Variants in MBOAT2 observed in about 807,000 individuals in gnomAD.
MBOAT2 encodes the protein membrane-bound glycerophospholipid O-acyltransferase 2.
In MBOAT2, 28 loss-of-function variants were observed where a neutral mutation model predicts 63.4. The ratio of observed to expected loss-of-function variants is 0.44; its 90% CI spans 0.33 to 0.61. The LOEUF (loss-of-function observed/expected upper bound fraction) is 0.61, where lower values mean the gene tolerates loss of function less well. MBOAT2 is among the 20% of genes least tolerant of loss of function. The pLI is 0.03. For missense variants in MBOAT2, 470 were observed against 605.8 expected (o/e 0.78, Z 2.35); for synonymous variants, 211 against 215.6 (o/e 0.98, Z 0.19).
chr2:8,888,052 C>T lies in MBOAT2; in HGVS notation c.417G>A (p.Gln139=), dbSNP rs1327884554. Residue 139 remains glutamine, a synonymous_variant, in exon 5 of 13, where the codon CAG becomes CAA. Transcript: ENST00000305997. The part of the protein sequence containing the change: ...DFSGPMMIIT[Q]KITSLACEIH... ...TTTCGCAAGCCAAACTAGTGATCTT[C>T]TGAGTAATGATCATCATTGGGCTGT... The T allele has an allele frequency of 6.2e-7, 1 of 1,613,378 alleles. No homozygotes were observed. Among genetic ancestry groups the T allele is most frequent in the Admixed American group, 1.7e-5 (1 of 59,980 alleles).
At chr2:8,866,905 T>C (rs1014124445) in intron 9 of MBOAT2, among the ~76,000 whole-genome samples, 2 of 152,244 alleles carry the variant, frequency 1.3e-5, no homozygotes, top group African/African-American at 4.8e-5. Context: ...TCTTATGGCA[T>C]CCCGTCTCGG....
intron 3 of MBOAT2, among the ~76,000 whole-genome samples, chr2:8,942,505 A>C (rs1368008093): frequency 6.6e-6 from 1 of 152,174 alleles, no homozygotes; most frequent in Non-Finnish European, 1.5e-5. Flanking sequence ...ATCTCCTCTT[A>C]TATGTCTTAC....
Position 8,943,189 on chromosome 2 carries a change from G to C in MBOAT2, c.297C>G (p.His99Gln). Residue 99 changes from histidine (H) to glutamine (Q), a missense_variant and splice_region_variant, in exon 3 of 13, where the codon CAC becomes CAG. His to Gln is a conservative substitution (Grantham distance 24). Transcript: ENST00000305997. The part of the protein sequence containing the change: ...IMIIIGVENM[H>Q]NYCFVFALGY... ...ATGTGAACAAAGTGAATACTTACTTGTGCATGTTCTCCACTCCTATGATGA... is the reference window on the plus strand; with the variant it reads ...ATGTGAACAAAGTGAATACTTACTTCTGCATGTTCTCCACTCCTATGATGA... 6.5e-7 allele frequency: 1 copy of C among 1,535,058 alleles called. No homozygotes were observed. Among genetic ancestry groups the C allele is most frequent in the Non-Finnish European group, 8.8e-7 (1 of 1,130,022 alleles).
chr2:8,959,054 C>G (rs908518549), intron 1 of MBOAT2, among the ~76,000 whole-genome samples: 17 of 152,186 alleles, frequency 1.1e-4, no homozygotes, highest in Non-Finnish European at 2.5e-4. Flanking sequence ...CGCAAAAGCT[C>G]TGGGAGGGGT....
intron 10 of MBOAT2, 68 bp downstream of exon 10, chr2:8,864,102 T>C: frequency 1.8e-6 from 2 of 1,082,988 alleles, no homozygotes; most frequent in Non-Finnish European, 2.7e-6. Context: ...GAACCTGAAC[T>C]CAATGAAGCT....
intron 1 of MBOAT2, among the ~76,000 whole-genome samples, chr2:8,968,740 T>C (rs1241453431): frequency 1.8e-4 from 28 of 152,140 alleles, no homozygotes; most frequent in Admixed American, 1.8e-3. Context: ...ATGCACAAGC[T>C]TCAGTAGCCA....
Position 8,859,557 on chromosome 2 carries a change from A to G in MBOAT2, c.1338-653T>C, listed in dbSNP as rs563008945. On this transcript the variant is annotated intron_variant, in intron 12 of 12. Transcript: ENST00000305997. ...CCACAGCCCAATCACATTTTTAAAC[A>G]TGTACTAATTTTGTTAAAATGGAAA... 2.6e-5 allele frequency among the ~76,000 whole-genome samples: 4 copies of G among 152,338 alleles called. No homozygotes were observed. The East Asian group carries it at 7.7e-4, about 29-fold the overall frequency.
intron 1 of MBOAT2, 86 bp from the exon 2 acceptor site, chr2:8,958,728 C>T: frequency 7.7e-7 from 1 of 1,303,520 alleles, no homozygotes; most frequent in Non-Finnish European, 1.0e-6. Flanking sequence ...AGGACAAAAA[C>T]ACCAAGGTTA....
At chr2:8,954,184 A>C in intron 2 of MBOAT2, among the ~76,000 whole-genome samples, 1 of 151,742 alleles carries the variant, frequency 6.6e-6, no homozygotes, top group Non-Finnish European at 1.5e-5. Context: ...CTTTGCTTCT[A>C]TAGCCCTATA....
chr2:8,910,170 CAG>C (rs142090695), intron 3 of MBOAT2, among the ~76,000 whole-genome samples: 3 of 151,858 alleles, frequency 2.0e-5, no homozygotes, highest in Non-Finnish European at 2.9e-5. Flanking sequence ...CAGAGAAAGA[CAG>C]AGAGAGAGAA....
intron 4 of MBOAT2, among the ~76,000 whole-genome samples, chr2:8,900,824 A>G (rs1177063616): frequency 8.5e-5 from 13 of 152,134 alleles, no homozygotes; most frequent in African/African-American, 3.1e-4. Flanking sequence ...AAGCTTCAGG[A>G]TAGTATTGTA....
intron 4 of MBOAT2, among the ~76,000 whole-genome samples, chr2:8,902,402 G>A (rs370001147): frequency 1.3e-4 from 20 of 152,276 alleles, no homozygotes; most frequent in South Asian, 6.2e-4. Flanking sequence ...ATGAAGCCGC[G>A]GACCCTTGCA....
At chr2:8,988,975 TAGA>T (rs1162614269) in intron 1 of MBOAT2, among the ~76,000 whole-genome samples, 1 of 152,198 alleles carries the variant, frequency 6.6e-6, no homozygotes, top group Non-Finnish European at 1.5e-5. Flanking sequence ...AATTAAGTCT[TAGA>T]ATGTTTTAAT....
chr2:8,895,288 T>C (rs1664363300), intron 4 of MBOAT2, among the ~76,000 whole-genome samples: 1 of 152,192 alleles, frequency 6.6e-6, no homozygotes. Flanking sequence ...TACAGAGTGC[T>C]GATTGGTCCA....
At chr2:8,896,258 AAG>A (rs1192520689) in intron 4 of MBOAT2, among the ~76,000 whole-genome samples, 31 of 151,802 alleles carry the variant, frequency 2.0e-4, no homozygotes, top group African/African-American at 7.2e-4. Context: ...AAAAAAAAAA[AAG>A]AGTTGTGAAA....
intron 9 of MBOAT2, among the ~76,000 whole-genome samples, chr2:8,866,917 CACTT>C (rs1661938874): frequency 6.6e-6 from 1 of 152,224 alleles, no homozygotes; most frequent in African/African-American, 2.4e-5. Flanking sequence ...CCGTCTCGGG[CACTT>C]ACTGCCTGAC....
intron 4 of MBOAT2, among the ~76,000 whole-genome samples, chr2:8,902,156 G>A (rs778985967): frequency 2.0e-5 from 3 of 152,084 alleles, no homozygotes; most frequent in Admixed American, 6.5e-5. Context: ...GTTGTTAAGA[G>A]AGCCCTTTTC....
chr2:8,890,211 A>G (rs139945608), intron 4 of MBOAT2, among the ~76,000 whole-genome samples: 1 of 152,304 alleles, frequency 6.6e-6, no homozygotes, highest in Non-Finnish European at 1.5e-5. Context: ...CTCCCTCTTC[A>G]TGAATCAGCT....
chr2:8,984,511 AG>A (rs1415281349), intron 1 of MBOAT2, among the ~76,000 whole-genome samples: 1 of 152,136 alleles, frequency 6.6e-6, no homozygotes, highest in Non-Finnish European at 1.5e-5. Context: ...GCATGCAGGG[AG>A]CTTAAAAGGG....
Sources: allele counts gnomAD v4.1 joint callset (sites outside exome capture counted in the v4.1 genomes callset), GRCh38; gene constraint gnomAD v4.1.1; transcripts MANE v1.5; gene names NCBI Gene and HGNC (gene_info 2026-07-23, HGNC 2026-07-21).